USP50: variants seen among roughly 807,000 people sequenced by gnomAD.
USP50 encodes the protein ubiquitin carboxyl-terminal hydrolase 50.
In USP50, 37 loss-of-function variants were observed where a neutral mutation model predicts 39.2. The ratio of observed to expected loss-of-function variants is 0.94; its 90% CI spans 0.73 to 1.24. The LOEUF (loss-of-function observed/expected upper bound fraction) is 1.24. Ranked by LOEUF, USP50 falls within the 50% of genes most tolerant of loss-of-function variation. The probability of loss-of-function intolerance (pLI) is 0.00; values close to 1 mark genes in which losing one functional copy is unlikely to be tolerated. For missense variants in USP50, 374 were observed against 398.2 expected (o/e 0.94, Z 0.52); for synonymous variants, 139 against 144.5 (o/e 0.96, Z 0.27).
Position 50,546,597 on chromosome 15 carries a change from G to C in USP50, c.-72C>G. On this transcript the variant is annotated 5_prime_UTR_variant, in exon 1 of 7. Coordinates refer to ENST00000532404, the MANE Select transcript of USP50 (RefSeq NM_203494.5). ...CTATTCCTTTCAACTTCATTTCTCT[G>C]AGCCTGTTAACGCTGGCTTTTTGTT... 2 of 1,565,924 alleles carry C rather than the reference G, an allele frequency of 1.3e-6. No individual in the cohort carries two copies. Among genetic ancestry groups the C allele is most frequent in the Non-Finnish European group, 1.8e-6 (2 of 1,137,342 alleles).
chr15:50,515,119 T>A (rs2052791080), intron 6 of USP50, among the ~76,000 whole-genome samples: 1 of 151,620 alleles, frequency 6.6e-6, no homozygotes, highest in Non-Finnish European at 1.5e-5. Context: ...AAAAACGAAA[T>A]TCCAAGACCA....
chr15:50,544,648 A>C lies in USP50; in HGVS notation c.187T>G (p.Cys63Gly). The change falls in exon 2 of 7, where the codon TGC becomes GGC. Residue 63 changes from cysteine to glycine, a missense_variant. By Grantham distance (159) the Cys-to-Gly change is radical. Transcript: ENST00000532404. ...CCVNAISQCLCSILPLVEYFL... is the reference protein window; with the variant it reads ...CCVNAISQCLGSILPLVEYFL... ...TATTCCACCAGCGGCAAGATGCTGC[A>C]GAGACACTGTGAGATGGCATTCACG... 6.2e-7 allele frequency: 1 copy of C among 1,613,926 alleles called. No homozygotes were observed. Among genetic ancestry groups the C allele is most frequent in the East Asian group, 2.2e-5 (1 of 44,876 alleles).
At chr15:50,544,189 A>C (rs1305117884) in intron 2 of USP50, among the ~76,000 whole-genome samples, 1 of 151,828 alleles carries the variant, frequency 6.6e-6, no homozygotes, top group East Asian at 1.9e-4. Flanking sequence ...AAAAATACAA[A>C]AAATTACAAA....
At chr15:50,533,479 A>G (rs569991531) in intron 5 of USP50, among the ~76,000 whole-genome samples, 3 of 150,974 alleles carry the variant, frequency 2.0e-5, no homozygotes, top group African/African-American at 5.0e-5. Flanking sequence ...GTGGGGGGGA[A>G]AAAAACACAC....
downstream of USP50, chr15:50,496,923 T>TGTCTA (rs1489973570): frequency 5.0e-6 from 4 of 802,828 alleles, no homozygotes; most frequent in Non-Finnish European, 7.6e-6. Context: ...ATTGTTCACT[T>TGTCTA]GTCTATGCTT....
At position 50,500,781 on chromosome 15, in the gene USP50, G is replaced by T. The variant is rs1231837197; in HGVS notation, c.993C>A (p.Val331=). 6 of 1,589,338 alleles carry T rather than the reference G, an allele frequency of 3.8e-6. No homozygotes were observed. Among genetic ancestry groups the T allele is most frequent in the Non-Finnish European group, 5.1e-6 (6 of 1,167,352 alleles). ...GHYTAFCKNS[V]TQA is the part of the protein sequence containing the mutation. ...TATCAAAGCTATATCAGGCCTGGGT[G>T]ACTGAATTCTTGCAGAAAGCAGTGT... Residue 331 remains valine, a synonymous_variant, in exon 7 of 7, where the codon GTC becomes GTA. Coordinates refer to ENST00000532404, the MANE Select transcript of USP50 (RefSeq NM_203494.5).
At chr15:50,535,103 C>T (rs150616681) in intron 5 of USP50, among the ~76,000 whole-genome samples, 1 of 152,048 alleles carries the variant, frequency 6.6e-6, no homozygotes, top group Non-Finnish European at 1.5e-5. Flanking sequence ...GGCACCACTG[C>T]ACTCCAGCCT....
chr15:50,509,314 C>T (rs1163982343), intron 6 of USP50: 1 of 151,624 alleles, frequency 6.6e-6, no homozygotes, highest in Non-Finnish European at 1.5e-5. Context: ...GAGACCCTCT[C>T]TCAAAAATAG....
chr15:50,538,807 G>T lies in USP50; in HGVS notation c.705C>A (p.Asn235Lys), dbSNP rs912609165. Reference protein sequence around the residue: ...CFFQQDALTWNNEIHCSFCET... With the variant: ...CFFQQDALTWKNEIHCSFCET... ...CACAAAAGGAGCAGTGAATTTCGTT[G>T]TTCCAGGTCAGTGCGTCTTGTTGAA... is the stretch of plus-strand genomic sequence containing the variant. The change falls in exon 5 of 7, where the codon AAC (asparagine) becomes AAA (lysine). Residue 235 changes from asparagine to lysine, a missense_variant. By Grantham distance (94) the Asn-to-Lys change is moderately conservative. Coordinates refer to ENST00000532404, the MANE Select transcript of USP50 (RefSeq NM_203494.5). The T allele has an allele frequency of 9.3e-6, 15 of 1,613,438 alleles. No individual in the cohort carries two copies. Among genetic ancestry groups the T allele is most frequent in the Non-Finnish European group, 1.1e-5 (13 of 1,179,660 alleles).
chr15:50,496,150 A>T, downstream of USP50: 10 of 1,322,984 alleles, frequency 7.6e-6, no homozygotes, highest in Non-Finnish European at 1.0e-5. Context: ...GGATATAGAG[A>T]TGTAAATTTC....
chr15:50,498,500 A>ATTTT, downstream of USP50: 1 of 1,411,432 alleles, frequency 7.1e-7, no homozygotes, highest in Non-Finnish European at 9.4e-7. Flanking sequence ...TTTGAAATGG[A>ATTTT]TTTTACAGTC....
downstream of USP50, chr15:50,493,275 A>T: frequency 1.9e-6 from 1 of 513,684 alleles, no homozygotes; most frequent in East Asian, 5.3e-5. Context: ...CAACACCTGA[A>T]TTTTGGAATA....
chr15:50,495,109 C>A (rs1046572102), intron 1 of USP50, among the ~76,000 whole-genome samples: 1 of 151,694 alleles, frequency 6.6e-6, no homozygotes, highest in Non-Finnish European at 1.5e-5. Flanking sequence ...AAATGACCAC[C>A]CTCCATTTAC....
At chr15:50,518,762 T>C (rs1038443756) in intron 6 of USP50, among the ~76,000 whole-genome samples, 4 of 152,192 alleles carry the variant, frequency 2.6e-5, no homozygotes, top group Non-Finnish European at 4.4e-5. Context: ...AAAGATTTTA[T>C]GGCTAAGGCC....
chr15:50,496,642 A>G (rs1262414057), downstream of USP50, among the ~76,000 whole-genome samples: 3 of 152,140 alleles, frequency 2.0e-5, no homozygotes, highest in Non-Finnish European at 4.4e-5. Flanking sequence ...GTTTTTAAAA[A>G]GTTTTATAAG....
chr15:50,525,604 A>ATATG (rs2052886409), intron 6 of USP50, among the ~76,000 whole-genome samples: 1 of 139,254 alleles, frequency 7.2e-6, no homozygotes, highest in South Asian at 2.2e-4. Flanking sequence ...ATATATGTAT[A>ATATG]TGTATATATG....
intron 4 of USP50, among the ~76,000 whole-genome samples, chr15:50,540,053 C>T (rs1434007114): frequency 1.3e-5 from 2 of 152,212 alleles, no homozygotes; most frequent in Non-Finnish European, 2.9e-5. Flanking sequence ...TAATAGGATT[C>T]TATTCTCCAA....
chr15:50,524,135 A>G (rs1037234651), intron 6 of USP50, among the ~76,000 whole-genome samples: 1 of 152,270 alleles, frequency 6.6e-6, no homozygotes, highest in African/African-American at 2.4e-5. Context: ...AAAATGGATT[A>G]AAGACTTCAA....
chr15:50,542,253 G>A lies in USP50; in HGVS notation c.445-989C>T, dbSNP rs550264100. Among the ~76,000 whole-genome samples, 10 of 152,126 alleles carry A rather than the reference G, an allele frequency of 6.6e-5. No homozygotes were observed. In the South Asian group the frequency reaches 2.1e-3, roughly 32 times the overall value. On this transcript the variant is annotated intron_variant, in intron 3 of 6. Coordinates refer to ENST00000532404, the MANE Select transcript of USP50 (RefSeq NM_203494.5). The stretch of plus-strand genomic sequence containing the variant: ...ACAGCTGGCTCTAATTTGGGGCTGT[G>A]CTCAGCATTCCATTTTTGCTTGCTC...
Sources: gnomAD v4.1 joint callset for allele counts (sites outside exome capture counted in the v4.1 genomes callset) on GRCh38, gnomAD v4.1.1 for gene constraint, MANE v1.5 for transcripts, NCBI Gene and HGNC (gene_info 2026-07-23, HGNC 2026-07-21) for gene names.